CCDC146: variants seen among roughly 807,000 people sequenced by gnomAD.
CCDC146 encodes coiled-coil domain-containing protein 146.
CCDC146 carries 92 observed loss-of-function variants against 119.3 expected under a neutral mutation model. That is an observed-to-expected ratio of 0.77 (90% CI 0.65 to 0.92). The LOEUF is 0.92. Ranked by LOEUF, CCDC146 falls within the 40% of genes least tolerant of loss-of-function variation. The probability of loss-of-function intolerance (pLI) is 0.00; values close to 1 mark genes in which losing one functional copy is unlikely to be tolerated. For missense variants in CCDC146, 1,000 were observed against 1,103.0 expected (o/e 0.91, Z 1.32); for synonymous variants, 372 against 371.8 (o/e 1.00, Z -0.01).
rs972097822 is a variant in CCDC146, at chr7:77,225,642, A to C, written c.157-11305A>C. Among the ~76,000 whole-genome samples the C allele has an allele frequency of 2.5e-5, 3 of 117,904 alleles. No homozygotes were observed. In the South Asian group the frequency reaches 8.1e-4, roughly 32 times the overall value. 77.3% of individuals were successfully genotyped at this position (117,904 alleles called of 152,430 possible). A position where few individuals can be genotyped will look rare whatever the true frequency, so the allele number is the denominator to read the frequency against. Reference sequence around the variant, plus strand: ...ACTTGACTACTAGACTATGCTAGCCAGTAAAAAAGAAGAAGTAGGGCCGTG... The same window carrying C: ...ACTTGACTACTAGACTATGCTAGCCCGTAAAAAAGAAGAAGTAGGGCCGTG... On this transcript the variant is annotated intron_variant, in intron 2 of 18. Coordinates refer to ENST00000285871, the MANE Select transcript of CCDC146 (RefSeq NM_020879.3).
intron 1 of CCDC146, among the ~76,000 whole-genome samples, chr7:77,136,549 G>C (rs1226380186): frequency 6.6e-6 from 1 of 152,110 alleles, no homozygotes; most frequent in Non-Finnish European, 1.5e-5. Flanking sequence ...TTATTTGAAA[G>C]ATATAACATG....
Position 77,280,730 on chromosome 7 carries a change from A to G in CCDC146, c.1919+77A>G. On this transcript the variant is annotated intron_variant, in intron 14 of 18. Coordinates refer to ENST00000285871, the MANE Select transcript of CCDC146 (RefSeq NM_020879.3). ...ACCTCTTTTTCTATCTAGACTTGAC[A>G]GTGAATAGTGAGGGAAATGTGATAT... 5 of 952,742 alleles carry G rather than the reference A, an allele frequency of 5.2e-6. No homozygotes were observed. In the South Asian group the frequency reaches 8.1e-5, roughly 15 times the overall value. 59.0% of individuals were successfully genotyped at this position (952,742 alleles called of 1,614,324 possible). A position where few individuals can be genotyped will look rare whatever the true frequency, so the allele number is the denominator to read the frequency against.
intron 1 of CCDC146, among the ~76,000 whole-genome samples, chr7:77,155,664 T>C (rs1317685684): frequency 6.6e-6 from 1 of 152,194 alleles, no homozygotes; most frequent in African/African-American, 2.4e-5. Flanking sequence ...TTATGGTATG[T>C]GGTTGTTAGG....
rs1341125995 is a variant in CCDC146 at position 77,130,106 on chromosome 7, A to G, written c.-12+7374A>G. Among the ~76,000 whole-genome samples, 6 of 152,264 alleles carry G rather than the reference A, an allele frequency of 3.9e-5. 1 individual carries two copies. Among genetic ancestry groups the G allele is most frequent in the African/African-American group, 1.4e-4 (6 of 41,492 alleles). On this transcript the variant is annotated intron_variant, in intron 1 of 18. Transcript: ENST00000285871. ...GACTTAATAAGGAAATAAAAAAATC[A>G]TATGCTGAGGTTGCTAAAATCTATG...
chr7:77,286,780 A>G lies in CCDC146; in HGVS notation c.2149-18A>G. The G allele has an allele frequency of 1.9e-6, 3 of 1,610,952 alleles. No homozygotes were observed. Among genetic ancestry groups the G allele is most frequent in the Non-Finnish European group, 2.5e-6 (3 of 1,178,558 alleles). ...AGCTAGAGCGTTCATTTTAAAGTTA[A>G]TGTTTTTTTCTTAATAGTTTTCACA... On this transcript the variant is annotated intron_variant, in intron 15 of 18. Coordinates refer to ENST00000285871, the MANE Select transcript of CCDC146 (RefSeq NM_020879.3).
intron 2 of CCDC146, among the ~76,000 whole-genome samples, chr7:77,182,029 T>C (rs1265043074): frequency 6.6e-6 from 1 of 152,222 alleles, no homozygotes; most frequent in Non-Finnish European, 1.5e-5. Context: ...TATTACCTTC[T>C]GAGGCAAAAT....
intron 2 of CCDC146, among the ~76,000 whole-genome samples, chr7:77,228,087 A>G (rs999126054): frequency 6.6e-6 from 1 of 152,238 alleles, no homozygotes; most frequent in Non-Finnish European, 1.5e-5. Context: ...TTAGTGGGAA[A>G]TAAGATTAAA....
intron 1 of CCDC146, among the ~76,000 whole-genome samples, chr7:77,129,642 C>T (rs925735350): frequency 6.6e-6 from 1 of 152,028 alleles, no homozygotes; most frequent in African/African-American, 2.4e-5. Flanking sequence ...ACTGTAATCT[C>T]TACTGATCTG....
At chr7:77,279,236 C>G in intron 13 of CCDC146, 135 bp downstream of exon 13, 1 of 666,446 alleles carries the variant, frequency 1.5e-6, no homozygotes, top group South Asian at 2.3e-5. Flanking sequence ...TGCCCTCCAG[C>G]CTGGGTGACA....
intron 15 of CCDC146, among the ~76,000 whole-genome samples, 184 bp from the exon 16 acceptor site, chr7:77,286,614 C>G (rs778792954): frequency 3.3e-5 from 5 of 152,110 alleles, no homozygotes; most frequent in Non-Finnish European, 7.3e-5. Context: ...CGTCGCAGTA[C>G]CATAAATGAG....
intron 1 of CCDC146, among the ~76,000 whole-genome samples, chr7:77,139,015 C>T (rs1790897373): frequency 6.6e-6 from 1 of 152,170 alleles, no homozygotes; most frequent in East Asian, 1.9e-4. Context: ...TTAATATTTA[C>T]CCAAAGGAGG....
At chr7:77,291,630 C>T (rs569546806) in intron 17 of CCDC146, among the ~76,000 whole-genome samples, 3 of 152,312 alleles carry the variant, frequency 2.0e-5, no homozygotes, top group South Asian at 4.1e-4. Context: ...ATCACTTGAG[C>T]CTCAGGGGCA....
chr7:77,261,653 AT>A (rs1793301459), intron 8 of CCDC146, among the ~76,000 whole-genome samples: 1 of 150,552 alleles, frequency 6.6e-6, no homozygotes, highest in African/African-American at 2.4e-5. Flanking sequence ...AATTTTTTGT[AT>A]TTTTAGTAGA....
chr7:77,222,143 T>G (rs1423760084), intron 2 of CCDC146, among the ~76,000 whole-genome samples: 1 of 152,246 alleles, frequency 6.6e-6, no homozygotes, highest in East Asian at 1.9e-4. Context: ...AGAGTGGAAC[T>G]CAAACATCCT....
chr7:77,250,976 TGTG>T (rs1793048507), intron 4 of CCDC146, among the ~76,000 whole-genome samples: 1 of 12,734 alleles, frequency 7.9e-5, no homozygotes, highest in Admixed American at 4.9e-4. Context: ...CTGGTATTTG[TGTG>T]TGTGTGTGTG....
At chr7:77,239,622 A>T (rs1792806662) in intron 3 of CCDC146, among the ~76,000 whole-genome samples, 2 of 152,334 alleles carry the variant, frequency 1.3e-5, no homozygotes, top group South Asian at 4.1e-4. Flanking sequence ...TATCTTGGTG[A>T]GGACAGTTGG....
rs548013034 is a variant in CCDC146 at position 77,137,689 on chromosome 7, T to G, written c.-12+14957T>G. ...AGTTCTTCCCAAATTGATCTGTAGA[T>G]TCAATGCAATCCCAATCAAAATCTC... On this transcript the variant is annotated intron_variant, in intron 1 of 18. Transcript: ENST00000285871. Among the ~76,000 whole-genome samples, 569 of 151,826 alleles carry G rather than the reference T, an allele frequency of 3.7e-3. 3 individuals are homozygous for G. In the Middle Eastern group the frequency reaches 0.068, roughly 18 times the overall value.
rs755931636 is a variant in CCDC146 at position 77,217,550 on chromosome 7, C to CATAT, written c.157-19387_157-19384dup. On this transcript the variant is annotated intron_variant, in intron 2 of 18. Transcript: ENST00000285871. ...TATATATCCCTGTTAACTATATATA[C>CATAT]ATATATATATATAGAGAGAGAGAGA... is the stretch of plus-strand genomic sequence containing the variant. Among the ~76,000 whole-genome samples the CATAT allele has an allele frequency of 3.9e-3, 577 of 147,176 alleles. 5 individuals are homozygous for CATAT. Among genetic ancestry groups the CATAT allele is most frequent in the African/African-American group, 0.013 (536 of 40,604 alleles).
chr7:77,262,974 G>A (rs968043963), intron 9 of CCDC146, among the ~76,000 whole-genome samples: 1 of 152,228 alleles, frequency 6.6e-6, no homozygotes, highest in Non-Finnish European at 1.5e-5. Context: ...TTGTGCTAGA[G>A]CCTTCCTTGA....
Sources: gnomAD v4.1 joint callset for allele counts (sites outside exome capture counted in the v4.1 genomes callset) on GRCh38, gnomAD v4.1.1 for gene constraint, MANE v1.5 for transcripts, NCBI Gene and HGNC (gene_info 2026-07-23, HGNC 2026-07-21) for gene names.